The following MYCBP2 variants were observed in gnomAD, a reference collection of about 807,000 sequenced individuals.
MYCBP2 encodes the protein MYC binding protein 2.
In MYCBP2, 120 loss-of-function variants were observed where a neutral mutation model predicts 525.3. The ratio of observed to expected loss-of-function variants is 0.23; its 90% CI spans 0.20 to 0.27. The LOEUF (loss-of-function observed/expected upper bound fraction) is 0.27. MYCBP2 is among the 10% of genes least tolerant of loss of function. MYCBP2 has a pLI of 1.00. For missense variants in MYCBP2, 4,149 were observed against 5,657.1 expected, an observed-to-expected ratio of 0.73 and a Z score of 8.55; for synonymous variants, 1,894 against 1,955.8, an observed-to-expected ratio of 0.97 and a Z score of 0.83.
intron 27 of MYCBP2, 63 bp downstream of exon 27, chr13:77,194,090 T>C: frequency 9.6e-7 from 1 of 1,039,208 alleles, no homozygotes; most frequent in Non-Finnish European, 1.4e-6. Flanking sequence ...GTTTATTCAT[T>C]TATAATAAAT....
intron 71 of MYCBP2, 90 bp from the exon 72 acceptor site, chr13:77,066,178 AT>A (rs2040171514): frequency 3.3e-6 from 3 of 907,938 alleles, no homozygotes; most frequent in Non-Finnish European, 5.1e-6. Flanking sequence ...AGAATGCAGC[AT>A]TTTAGATTTT....
At chr13:77,252,813 G>C (rs2154330744) in intron 14 of MYCBP2, among the ~76,000 whole-genome samples, 1 of 152,188 alleles carries the variant, frequency 6.6e-6, no homozygotes, top group Admixed American at 6.5e-5. Flanking sequence ...CCTGAAGGAA[G>C]CCTCAGTGAC....
At chr13:77,062,481 A>G in intron 74 of MYCBP2, 115 bp downstream of exon 74, 1 of 828,318 alleles carries the variant, frequency 1.2e-6, no homozygotes, top group Non-Finnish European at 1.9e-6. Flanking sequence ...ATCTTTCAAG[A>G]GATCCACTAA....
At chr13:77,244,776 G>A (rs1411919764) in intron 15 of MYCBP2, among the ~76,000 whole-genome samples, 1 of 152,072 alleles carries the variant, frequency 6.6e-6, no homozygotes, top group Non-Finnish European at 1.5e-5. Context: ...TCTGACAAAG[G>A]GCTAATATCC....
Position 77,087,639 on chromosome 13 carries a change from G to A in MYCBP2, c.10726-6C>T, listed in dbSNP as rs768402835. The A allele has an allele frequency of 1.9e-6, 3 of 1,608,090 alleles. No homozygotes were observed. The highest frequency in any genetic ancestry group is 2.5e-6 in the Non-Finnish European group (3 of 1,177,304). ...CACAGAAGCCAGTTGAAAGCCTGAA[G>A]AAATGACGGTTAAATGAGTTCAAGA... On this transcript the variant is annotated splice_polypyrimidine_tract_variant and splice_region_variant and intron_variant, in intron 61 of 82. Transcript: ENST00000544440.
intron 1 of MYCBP2, among the ~76,000 whole-genome samples, chr13:77,315,187 T>C (rs777104121): frequency 6.6e-6 from 1 of 152,196 alleles, no homozygotes; most frequent in Non-Finnish European, 1.5e-5. Flanking sequence ...GACCAGATGG[T>C]GCCACTGGTG....
rs559677171 is a variant in MYCBP2, at chr13:77,161,800, G to T, written c.6597+106C>A. 26 of 790,206 alleles carry T rather than the reference G, an allele frequency of 3.3e-5. 1 individual carries two copies. The South Asian group carries it at 4.5e-4, about 14-fold the overall frequency. The allele number at this position is 790,206 out of a possible 1,614,324, so 48.9% of individuals were successfully genotyped here. Reference sequence around the variant, plus strand: ...CTATAATGCCAATGAATAAAGTGAAGTACTTAATGAATGAACCCAATGGTC... The same window carrying T: ...CTATAATGCCAATGAATAAAGTGAATTACTTAATGAATGAACCCAATGGTC... On this transcript the variant is annotated intron_variant, in intron 44 of 82. Coordinates refer to ENST00000544440, the MANE Select transcript of MYCBP2 (RefSeq NM_015057.5).
chr13:77,062,029 C>T (rs551942882), intron 74 of MYCBP2, among the ~76,000 whole-genome samples: 2 of 152,290 alleles, frequency 1.3e-5, no homozygotes, highest in South Asian at 4.1e-4. Flanking sequence ...AACAGGTATA[C>T]TTTGTTACTT....
At chr13:77,223,739 G>C (rs1327920093) in intron 20 of MYCBP2, among the ~76,000 whole-genome samples, 1 of 152,052 alleles carries the variant, frequency 6.6e-6, no homozygotes, top group African/African-American at 2.4e-5. Context: ...ATTCATTCCA[G>C]CCAGCAAGCT....
chr13:77,183,051 T>A (rs73241434), intron 32 of MYCBP2, among the ~76,000 whole-genome samples: 3,400 of 152,334 alleles, frequency 0.022, 58 homozygotes, highest in Middle Eastern at 0.075. Context: ...TCAGTTAACA[T>A]GGTAAATTAC....
chr13:77,199,936 T>C (rs564060746), intron 26 of MYCBP2, among the ~76,000 whole-genome samples: 3 of 151,938 alleles, frequency 2.0e-5, no homozygotes, highest in African/African-American at 7.2e-5. Flanking sequence ...ACCACAAAGA[T>C]GGGGAAAAAA....
intron 66 of MYCBP2, chr13:77,078,048 C>T (rs1286710143): frequency 1.3e-5 from 2 of 151,708 alleles, no homozygotes; most frequent in East Asian, 3.9e-4. Flanking sequence ...CTGGCGATTT[C>T]TATGTGATTT....
chr13:77,141,132 T>G (rs1348455765), intron 49 of MYCBP2, among the ~76,000 whole-genome samples, 189 bp from the exon 50 acceptor site: 1 of 152,190 alleles, frequency 6.6e-6, no homozygotes, highest in Non-Finnish European at 1.5e-5. Context: ...CCTGAGATTC[T>G]AAAGGAATGT....
At chr13:77,258,769 G>A (rs534148956) in intron 13 of MYCBP2, among the ~76,000 whole-genome samples, 1 of 152,208 alleles carries the variant, frequency 6.6e-6, no homozygotes, top group African/African-American at 2.4e-5. Flanking sequence ...TAGCTGACAT[G>A]CTTTGAGACC....
At chr13:77,287,388 T>C (rs2076983575) in intron 3 of MYCBP2, among the ~76,000 whole-genome samples, 1 of 151,760 alleles carries the variant, frequency 6.6e-6, no homozygotes, top group East Asian at 1.9e-4. Context: ...TTTCACCATG[T>C]TGGCCAGGCT....
intron 26 of MYCBP2, among the ~76,000 whole-genome samples, chr13:77,198,670 G>A (rs12427928): frequency 0.032 from 4,896 of 152,250 alleles, 214 homozygotes; most frequent in East Asian, 0.17. Flanking sequence ...TTTTGGATAC[G>A]AATAGGTGTG....
rs146310432 is a variant in MYCBP2 at position 77,144,285 on chromosome 13, TAATTA to T, written c.7303+155_7303+159del. 9.6e-3 allele frequency: 5,787 copies of T among 605,754 alleles called. 254 individuals are homozygous for T. Among genetic ancestry groups the T allele is most frequent in the African/African-American group, 0.092 (4,978 of 53,890 alleles). 37.5% of individuals were successfully genotyped at this position (605,754 alleles called of 1,614,324 possible). On this transcript the variant is annotated intron_variant, in intron 49 of 82. Transcript: ENST00000544440. ...AAATTATTACAAAATGTTAATGCAC[TAATTA>T]AATACTCATTATGAAAGAGAAAACA...
In MYCBP2 at chr13:77,190,245, T is replaced by G. The variant is rs1408758459; in HGVS notation, c.4154+7A>C. ...CCATACTAATTCAGTATAAATATGC[T>G]AAATACCTGTATAATAACTGAGGTA... On this transcript the variant is annotated splice_region_variant and intron_variant, in intron 29 of 82. Transcript: ENST00000544440. 1 of 1,553,386 alleles carries G rather than the reference T, an allele frequency of 6.4e-7. No homozygotes were observed. The highest frequency in any genetic ancestry group is 8.9e-7 in the Non-Finnish European group (1 of 1,128,388).
intron 46 of MYCBP2, among the ~76,000 whole-genome samples, chr13:77,155,731 T>C (rs1429937284): frequency 6.6e-6 from 1 of 152,194 alleles, no homozygotes; most frequent in Non-Finnish European, 1.5e-5. Flanking sequence ...TAAAAATGTA[T>C]TCTTTCATGC....
Sources: allele counts gnomAD v4.1 joint callset (sites outside exome capture counted in the v4.1 genomes callset), GRCh38; gene constraint gnomAD v4.1.1; transcripts MANE v1.5; gene names NCBI Gene and HGNC (gene_info 2026-07-23, HGNC 2026-07-21).